The following SV2C variants were observed in gnomAD, a reference collection of about 807,000 sequenced individuals.
The protein encoded by SV2C is synaptic vesicle glycoprotein 2C, also known as solute carrier family 22 member B3.
SV2C carries 49 observed loss-of-function variants against 79.7 expected under a neutral mutation model. The ratio of observed to expected loss-of-function variants is 0.61; its 90% CI spans 0.49 to 0.78. SV2C has a LOEUF of 0.78. Among genes scored for constraint, SV2C ranks in the 30% least tolerant of loss-of-function variants. The pLI is 0.00. For missense variants in SV2C, 833 were observed against 912.9 expected (o/e 0.91, Z 1.13); for synonymous variants, 334 against 333.2 (o/e 1.00, Z -0.03).
the SV2C span, among the ~76,000 whole-genome samples, chr5:76,051,869 A>G: frequency 2.3e-3 from 347 of 152,368 alleles, 1 homozygote; most frequent in Non-Finnish European, 4.2e-3. Context: ...TTAGAAAAAA[A>G]TGAGGGTAAT....
At chr5:76,122,446 G>C (rs1362463948) in intron 1 of SV2C, among the ~76,000 whole-genome samples, 1 of 151,892 alleles carries the variant, frequency 6.6e-6, no homozygotes, top group South Asian at 2.1e-4. Flanking sequence ...CCTGTCTTGT[G>C]CCAGTTTTCA....
At chr5:76,025,436 G>A in the SV2C span, among the ~76,000 whole-genome samples, 1 of 152,284 alleles carries the variant, frequency 6.6e-6, no homozygotes, top group South Asian at 2.1e-4. Flanking sequence ...ATTCGTAGCA[G>A]AAGGAAATAA....
the SV2C span, among the ~76,000 whole-genome samples, chr5:75,990,247 TA>T: frequency 6.6e-6 from 1 of 151,996 alleles, no homozygotes; most frequent in Non-Finnish European, 1.5e-5. Context: ...TGGTATTGCT[TA>T]GATTTCCTTC....
chr5:76,288,891 AT>A (rs1200374445), intron 6 of SV2C, among the ~76,000 whole-genome samples: 4 of 117,634 alleles, frequency 3.4e-5, no homozygotes, highest in African/African-American at 6.4e-5. Context: ...TTTTTTCCTT[AT>A]TTTTTGAGAC....
At chr5:76,062,410 T>C in the SV2C span, among the ~76,000 whole-genome samples, 1 of 152,096 alleles carries the variant, frequency 6.6e-6, no homozygotes, top group African/African-American at 2.4e-5. Context: ...GGATGCAGCC[T>C]ACAAGGCACC....
chr5:75,858,412 T>C, the SV2C span, among the ~76,000 whole-genome samples: 2 of 152,200 alleles, frequency 1.3e-5, no homozygotes, highest in Admixed American at 6.5e-5. Flanking sequence ...CTTTGGTTGA[T>C]TTGTGTATGT....
At chr5:75,976,325 A>C in the SV2C span, among the ~76,000 whole-genome samples, 1 of 152,140 alleles carries the variant, frequency 6.6e-6, no homozygotes, top group African/African-American at 2.4e-5. Context: ...AATAGTCATA[A>C]AATAAGAAAT....
chr5:76,247,518 G>A lies in SV2C; in HGVS notation c.913+37631G>A, dbSNP rs117716062. Among the ~76,000 whole-genome samples the A allele has an allele frequency of 7.9e-4, 120 of 152,298 alleles. 1 individual carries two copies. In the East Asian group the frequency reaches 0.021, roughly 27 times the overall value. On this transcript the variant is annotated intron_variant, in intron 4 of 12. Transcript: ENST00000502798. ...AGTACAGCTTATTTTCTCCTGCAAC[G>A]TGATTATTTATTATCTGTGTGTTCA... is the stretch of plus-strand genomic sequence containing the variant.
At chr5:76,080,118 T>C (rs1170764831), upstream of SV2C, among the ~76,000 whole-genome samples, 2 of 152,160 alleles carry the variant, frequency 1.3e-5, no homozygotes, top group Non-Finnish European at 2.9e-5. Flanking sequence ...ATGAACATCA[T>C]TGTTTTGTTC....
chr5:76,167,650 A>G (rs1304887047), intron 2 of SV2C, among the ~76,000 whole-genome samples: 3 of 152,224 alleles, frequency 2.0e-5, no homozygotes, highest in Non-Finnish European at 4.4e-5. Context: ...TGATTTTACA[A>G]TTGATGAAAA....
chr5:76,252,514 T>A (rs921647723), intron 4 of SV2C, among the ~76,000 whole-genome samples: 8 of 152,220 alleles, frequency 5.3e-5, no homozygotes, highest in African/African-American at 1.9e-4. Context: ...ACAACCTTCT[T>A]CTAATCTATG....
the SV2C span, among the ~76,000 whole-genome samples, chr5:75,929,071 T>G: frequency 6.6e-6 from 1 of 152,008 alleles, no homozygotes; most frequent in Non-Finnish European, 1.5e-5. Context: ...CTTAGAGGCC[T>G]CCCCCAAATC....
the SV2C span, among the ~76,000 whole-genome samples, chr5:76,018,101 T>G: frequency 6.6e-6 from 1 of 152,206 alleles, no homozygotes; most frequent in African/African-American, 2.4e-5. Flanking sequence ...GATCCCTGGG[T>G]GGCCTGATTC....
chr5:76,013,875 C>A, the SV2C span, among the ~76,000 whole-genome samples: 1 of 152,088 alleles, frequency 6.6e-6, no homozygotes, highest in South Asian at 2.1e-4. Context: ...CTGCGAGAAA[C>A]AAAGTGCAAC....
chr5:76,310,512 G>A (rs1748398718), intron 12 of SV2C, among the ~76,000 whole-genome samples: 1 of 152,216 alleles, frequency 6.6e-6, no homozygotes, highest in South Asian at 2.1e-4. Context: ...TGGGGTCAGA[G>A]TGGACAATAA....
At chr5:76,159,433 A>C (rs746213565) in intron 2 of SV2C, among the ~76,000 whole-genome samples, 3 of 152,142 alleles carry the variant, frequency 2.0e-5, no homozygotes, top group Non-Finnish European at 4.4e-5. Flanking sequence ...CAGCAAGTAC[A>C]TTAGATTCCT....
intron 1 of SV2C, among the ~76,000 whole-genome samples, chr5:76,121,756 G>C (rs964758300): frequency 6.6e-6 from 1 of 151,910 alleles, no homozygotes; most frequent in African/African-American, 2.4e-5. Context: ...GTACCATGCT[G>C]TTTTGGTTTC....
At chr5:76,028,383 T>A in the SV2C span, among the ~76,000 whole-genome samples, 1 of 152,226 alleles carries the variant, frequency 6.6e-6, no homozygotes, top group Non-Finnish European at 1.5e-5. Flanking sequence ...GGTAAATTAT[T>A]CATTAAACAT....
chr5:76,084,605 A>G (rs1376336116), intron 1 of SV2C, among the ~76,000 whole-genome samples: 2 of 140,846 alleles, frequency 1.4e-5, no homozygotes, highest in African/African-American at 5.4e-5. Flanking sequence ...CACGGGGGCT[A>G]GAGGTGCCGC....
Sources: allele counts gnomAD v4.1 joint callset (sites outside exome capture counted in the v4.1 genomes callset), GRCh38; gene constraint gnomAD v4.1.1; transcripts MANE v1.5; gene names NCBI Gene and HGNC (gene_info 2026-07-23, HGNC 2026-07-21).